SACM1L: variants seen among roughly 807,000 people sequenced by gnomAD.
SACM1L encodes SAC1 like phosphatidylinositide phosphatase.
Under a neutral mutation model 89.5 loss-of-function variants are expected in SACM1L, and 32 were observed. The ratio of observed to expected loss-of-function variants is 0.36; its 90% CI spans 0.27 to 0.48. The LOEUF is 0.48. Among genes scored for constraint, SACM1L ranks in the 20% least tolerant of loss-of-function variants. The probability of loss-of-function intolerance (pLI) is 0.99; values close to 1 mark genes in which losing one functional copy is unlikely to be tolerated. For missense variants in SACM1L, 543 were observed against 708.5 expected (o/e 0.77, Z 2.65); for synonymous variants, 213 against 232.8 (o/e 0.92, Z 0.77).
At chr3:45,732,626 G>A (rs1699100990) in intron 13 of SACM1L, among the ~76,000 whole-genome samples, 1 of 152,088 alleles carries the variant, frequency 6.6e-6, no homozygotes, top group African/African-American at 2.4e-5. Context: ...ATGAAAGATT[G>A]TGGTGCCATG....
chr3:45,706,408 G>A (rs73058459), intron 3 of SACM1L, among the ~76,000 whole-genome samples: 196 of 152,314 alleles, frequency 1.3e-3, no homozygotes, highest in Non-Finnish European at 2.3e-3. Context: ...CAGATCTCAC[G>A]TCCTGATGCT....
At chr3:45,691,040 TA>T (rs1367074239) in intron 1 of SACM1L, among the ~76,000 whole-genome samples, 1 of 152,230 alleles carries the variant, frequency 6.6e-6, no homozygotes, top group Non-Finnish European at 1.5e-5. Context: ...ACACTAAATT[TA>T]ACCAGTTCAG....
At chr3:45,715,061 T>C (rs1246197142) in intron 7 of SACM1L, among the ~76,000 whole-genome samples, 3 of 152,194 alleles carry the variant, frequency 2.0e-5, no homozygotes. Flanking sequence ...GGTTTGTAGC[T>C]AAGGAGCGAT....
At chr3:45,721,311 C>T (rs1217098366) in intron 8 of SACM1L, among the ~76,000 whole-genome samples, 4 of 152,336 alleles carry the variant, frequency 2.6e-5, no homozygotes, top group East Asian at 3.9e-4. Context: ...CACCTGAGGT[C>T]GGGAGTTTGA....
chr3:45,689,794 CAGG>C, intron 1 of SACM1L: 2 of 564,664 alleles, frequency 3.5e-6, no homozygotes, highest in East Asian at 5.9e-5. Flanking sequence ...TGCGGCCCTT[CAGG>C]GCACGCTTGT....
At chr3:45,696,393 T>A (rs1698128952) in intron 1 of SACM1L, among the ~76,000 whole-genome samples, 1 of 152,240 alleles carries the variant, frequency 6.6e-6, no homozygotes, top group South Asian at 2.1e-4. Flanking sequence ...GGCTTCCACC[T>A]TTTTGGCTAT....
At chr3:45,743,488 A>G (rs200441119) in intron 19 of SACM1L, 45 bp from the exon 20 acceptor site, 1 of 1,570,262 alleles carries the variant, frequency 6.4e-7, no homozygotes, top group Non-Finnish European at 8.6e-7. Context: ...TGGGTCTGAT[A>G]TCAACAAACG....
intron 1 of SACM1L, among the ~76,000 whole-genome samples, chr3:45,702,132 ATATT>A (rs1278266516): frequency 6.6e-6 from 1 of 152,200 alleles, no homozygotes; most frequent in African/African-American, 2.4e-5. Context: ...AACTAGCCTA[ATATT>A]TAGTTAGTTA....
intron 1 of SACM1L, among the ~76,000 whole-genome samples, chr3:45,693,189 T>C (rs917615306): frequency 6.6e-6 from 1 of 152,226 alleles, no homozygotes; most frequent in Non-Finnish European, 1.5e-5. Context: ...TACGGTATTA[T>C]AAGCTTATAG....
rs952964621 is a variant in SACM1L at position 45,738,990 on chromosome 3, T to C, written c.1569+117T>C. ...GTTTTATATTTCATTACATGAAATATAAATACTTAAGTTTTCCAAAGAGGT... is the reference window on the plus strand; with the variant it reads ...GTTTTATATTTCATTACATGAAATACAAATACTTAAGTTTTCCAAAGAGGT... On this transcript the variant is annotated intron_variant, in intron 18 of 19. Transcript: ENST00000389061. 4.6e-6 allele frequency: 3 copies of C among 653,818 alleles called. No homozygotes were observed. In the Admixed American group the frequency reaches 8.9e-5, roughly 19 times the overall value. The allele number at this position is 653,818 out of a possible 1,614,324, so 40.5% of individuals were successfully genotyped here.
intron 4 of SACM1L, 200 bp downstream of exon 4, chr3:45,707,107 T>TA (rs113855779): frequency 0.021 from 8,701 of 414,782 alleles, 7 homozygotes; most frequent in Middle Eastern, 0.03. Flanking sequence ...TTTTTTTTTT[T>TA]AAAGATTCAG....
intron 1 of SACM1L, among the ~76,000 whole-genome samples, chr3:45,693,149 A>G (rs753902468): frequency 6.6e-6 from 1 of 152,246 alleles, no homozygotes; most frequent in Non-Finnish European, 1.5e-5. Context: ...GTATGTATAC[A>G]TACATAAACA....
chr3:45,726,869 C>CATACA (rs1559548014), intron 11 of SACM1L, among the ~76,000 whole-genome samples: 77 of 52,294 alleles, frequency 1.5e-3, no homozygotes, highest in South Asian at 3.9e-3. Flanking sequence ...TGCTTTATTT[C>CATACA]TTTTTTTTTT....
In SACM1L at chr3:45,703,018, C is replaced by T. The variant is rs191975956; in HGVS notation, c.33-420C>T. Among the ~76,000 whole-genome samples the T allele has an allele frequency of 1.5e-3, 225 of 152,246 alleles. 3 individuals carry two copies. Among genetic ancestry groups the T allele is most frequent in the Admixed American group, 3.2e-3 (49 of 15,290 alleles). Reference sequence around the variant, plus strand: ...CAAAGATTAGCTCATTTAATTCACACGATGCTGCGTGATGAATCTGGTATT... The same window carrying T: ...CAAAGATTAGCTCATTTAATTCACATGATGCTGCGTGATGAATCTGGTATT... On this transcript the variant is annotated intron_variant, in intron 1 of 19. Coordinates refer to ENST00000389061, the MANE Select transcript of SACM1L (RefSeq NM_014016.5).
chr3:45,690,755 A>G (rs933481733), intron 1 of SACM1L, among the ~76,000 whole-genome samples: 1 of 152,172 alleles, frequency 6.6e-6, no homozygotes, highest in African/African-American at 2.4e-5. Context: ...ATTTTCTCCC[A>G]GTTCCCCTTT....
At chr3:45,717,648 C>G (rs1275036565) in intron 7 of SACM1L, among the ~76,000 whole-genome samples, 1 of 152,128 alleles carries the variant, frequency 6.6e-6, no homozygotes, top group Non-Finnish European at 1.5e-5. Context: ...AATACCATAA[C>G]CAAACCTAAA....
intron 11 of SACM1L, among the ~76,000 whole-genome samples, chr3:45,729,245 C>T (rs559320785): frequency 7.0e-6 from 1 of 142,708 alleles, no homozygotes; most frequent in East Asian, 2.1e-4. Context: ...GGCCACCACA[C>T]CCAGCTAATT....
chr3:45,704,108 T>G (rs899612119), intron 2 of SACM1L, among the ~76,000 whole-genome samples: 1 of 152,228 alleles, frequency 6.6e-6, no homozygotes, highest in African/African-American at 2.4e-5. Context: ...TTTTCACTTG[T>G]GTGGAACACC....
At chr3:45,705,266 GTTAATA>G in intron 3 of SACM1L, 57 bp downstream of exon 3, 1 of 1,035,014 alleles carries the variant, frequency 9.7e-7, no homozygotes, top group East Asian at 2.4e-5. Flanking sequence ...TAGTTAAATT[GTTAATA>G]TTAGAGTGAG....
Sources: gnomAD v4.1 joint callset for allele counts (sites outside exome capture counted in the v4.1 genomes callset) on GRCh38, gnomAD v4.1.1 for gene constraint, MANE v1.5 for transcripts, NCBI Gene and HGNC (gene_info 2026-07-23, HGNC 2026-07-21) for gene names.